The following SAMD12 variants were observed in gnomAD, a reference collection of about 807,000 sequenced individuals.
SAMD12 encodes the protein sterile alpha motif domain-containing protein 12.
Under a neutral mutation model 15.0 loss-of-function variants are expected in SAMD12, and 9 were observed. The ratio of observed to expected loss-of-function variants is 0.60; its 90% CI spans 0.36 to 1.05. The LOEUF is 1.05. Ranked by LOEUF, SAMD12 falls within the 50% of genes least tolerant of loss-of-function variation. The probability of loss-of-function intolerance (pLI) is 0.01; values close to 1 mark genes in which losing one functional copy is unlikely to be tolerated. For missense variants in SAMD12, 230 were observed against 234.2 expected, an observed-to-expected ratio of 0.98 and a Z score of 0.12; for synonymous variants, 86 against 90.1, an observed-to-expected ratio of 0.96 and a Z score of 0.25.
chr8:118,237,725 A>G (rs762242369), intron 4 of SAMD12, among the ~76,000 whole-genome samples: 3 of 152,194 alleles, frequency 2.0e-5, no homozygotes, highest in African/African-American at 4.8e-5. Flanking sequence ...TTTGCCCAAT[A>G]AAGTATTTTT....
intron 3 of SAMD12, among the ~76,000 whole-genome samples, chr8:118,395,859 G>A (rs980912614): frequency 1.3e-5 from 2 of 151,388 alleles, no homozygotes; most frequent in Non-Finnish European, 2.9e-5. Context: ...TCGGGAGGCT[G>A]AGGCAGGAGA....
chr8:118,471,426 CA>C (rs553987118), intron 2 of SAMD12, among the ~76,000 whole-genome samples: 39 of 152,134 alleles, frequency 2.6e-4, no homozygotes, highest in African/African-American at 8.7e-4. Context: ...TTAGTTGTAC[CA>C]AAACAGTATT....
intron 2 of SAMD12, among the ~76,000 whole-genome samples, chr8:118,459,850 C>T (rs564402579): frequency 5.9e-5 from 9 of 152,302 alleles, no homozygotes; most frequent in Admixed American, 2.6e-4. Context: ...GTGAGAAACA[C>T]GGACAAGACA....
intron 4 of SAMD12, among the ~76,000 whole-genome samples, chr8:118,341,674 G>A (rs73709926): frequency 3.3e-5 from 5 of 151,996 alleles, no homozygotes; most frequent in Admixed American, 6.5e-5. Flanking sequence ...CTCTGGGACC[G>A]CTTTTATAAG....
chr8:118,477,239 T>C (rs1823986810), intron 2 of SAMD12, among the ~76,000 whole-genome samples: 2 of 152,160 alleles, frequency 1.3e-5, no homozygotes, highest in South Asian at 2.1e-4. Context: ...CTAATTTTTA[T>C]ATTTTTAGTA....
the SAMD12 span, among the ~76,000 whole-genome samples, chr8:118,171,777 TAG>T: frequency 2.0e-5 from 3 of 151,266 alleles, no homozygotes; most frequent in African/African-American, 2.4e-5. Flanking sequence ...GTTCTAAAAT[TAG>T]ACTGATGATT....
At chr8:118,440,266 T>A (rs1822700955) in intron 2 of SAMD12, among the ~76,000 whole-genome samples, 1 of 152,130 alleles carries the variant, frequency 6.6e-6, no homozygotes, top group Admixed American at 6.6e-5. Flanking sequence ...TGCTAAGCAA[T>A]TAATTACATT....
At chr8:118,480,295 AG>A (rs1418746659) in intron 2 of SAMD12, among the ~76,000 whole-genome samples, 1 of 152,162 alleles carries the variant, frequency 6.6e-6, no homozygotes, top group Admixed American at 6.5e-5. Flanking sequence ...AATCGCACAA[AG>A]GGCAGCATGC....
chr8:118,426,769 T>C (rs1822247727), intron 3 of SAMD12, among the ~76,000 whole-genome samples: 1 of 152,096 alleles, frequency 6.6e-6, no homozygotes, highest in South Asian at 2.1e-4. Context: ...ATAAAAATAA[T>C]GTATGTTTTT....
chr8:118,389,731 AAGAT>A (rs200742605), intron 3 of SAMD12, among the ~76,000 whole-genome samples: 4,393 of 151,968 alleles, frequency 0.029, 192 homozygotes, highest in African/African-American at 0.096. Flanking sequence ...GAAAAAAAAA[AAGAT>A]AGACGGTAGT....
At chr8:118,471,918 G>A (rs765172707) in intron 2 of SAMD12, among the ~76,000 whole-genome samples, 2 of 152,190 alleles carry the variant, frequency 1.3e-5, no homozygotes, top group Non-Finnish European at 2.9e-5. Context: ...ACAAAACTGA[G>A]TTTGAATCCC....
At chr8:118,591,289 G>T (rs542244408) in intron 1 of SAMD12, among the ~76,000 whole-genome samples, 1 of 151,660 alleles carries the variant, frequency 6.6e-6, no homozygotes, top group Non-Finnish European at 1.5e-5. Flanking sequence ...CTCTATTCTC[G>T]GCCAACACAC....
intron 4 of SAMD12, among the ~76,000 whole-genome samples, chr8:118,248,778 A>C (rs980188133): frequency 6.6e-6 from 1 of 152,134 alleles, no homozygotes. Flanking sequence ...GTTAACATAC[A>C]CCACCTTAAA....
At position 118,439,923 on chromosome 8, in the gene SAMD12, C is replaced by T; in HGVS notation, c.231G>A (p.Trp77Ter). Residue 77 changes from tryptophan (W) to a stop codon, truncating the protein, a stop_gained, in exon 3 of 4, where the codon TGG becomes TGA. Coordinates refer to ENST00000314727, the MANE Select transcript of SAMD12 (RefSeq NM_207506.3). LOFTEE classifies it high-confidence loss of function. ...ACCACTTGCAGACATCCTGCTGGGT[C>T]CATAGAGCCACCGGTTTAGATAGCT... ...TVKLSKPVAL[W>*]TQQDVCKWLK... 1 of 1,613,610 alleles carries T rather than the reference C, an allele frequency of 6.2e-7. No individual in the cohort carries two copies. The highest frequency in any genetic ancestry group is 2.2e-5 in the East Asian group (1 of 44,870).
chr8:118,441,655 C>G (rs1428445252), intron 2 of SAMD12, among the ~76,000 whole-genome samples: 1 of 152,030 alleles, frequency 6.6e-6, no homozygotes, highest in Non-Finnish European at 1.5e-5. Context: ...TATATACATA[C>G]ATATGTATCT....
exon 5 of SAMD12, chr8:118,191,793 TATATATATATATATATATAGAG>T (rs1390878091): frequency 2.4e-4 from 13 of 53,458 alleles, no homozygotes; most frequent in South Asian, 2.0e-3. Flanking sequence ...TATATATATA[TATATATATATATATATATAGAG>T]AGAGAGAGAG....
intron 2 of SAMD12, among the ~76,000 whole-genome samples, chr8:118,552,640 T>A (rs551655053): frequency 6.6e-6 from 1 of 152,190 alleles, no homozygotes. Context: ...ATGCCCTCTC[T>A]CACCACTCCT....
chr8:118,237,939 T>C (rs1009136159), intron 4 of SAMD12, among the ~76,000 whole-genome samples: 2 of 152,116 alleles, frequency 1.3e-5, no homozygotes, highest in Non-Finnish European at 2.9e-5. Flanking sequence ...CAGGTCTCCA[T>C]ACCACCTTCT....
chr8:118,539,031 A>C (rs1825921245), intron 2 of SAMD12, among the ~76,000 whole-genome samples: 1 of 152,248 alleles, frequency 6.6e-6, no homozygotes, highest in Non-Finnish European at 1.5e-5. Context: ...GACCCTTTCT[A>C]GCAATTCAAG....
Sources: gnomAD v4.1 joint callset for allele counts (sites outside exome capture counted in the v4.1 genomes callset) on GRCh38, gnomAD v4.1.1 for gene constraint, MANE v1.5 for transcripts, NCBI Gene and HGNC (gene_info 2026-07-23, HGNC 2026-07-21) for gene names.